The following ABCA2 variants were observed in gnomAD, a reference collection of about 807,000 sequenced individuals.
ABCA2 encodes the protein ATP binding cassette subfamily A member 2.
In ABCA2, 84 loss-of-function variants were observed where a neutral mutation model predicts 262.8. The ratio of observed to expected loss-of-function variants is 0.32; its 90% confidence interval spans 0.27 to 0.38. The LOEUF (loss-of-function observed/expected upper bound fraction) is 0.38. Ranked by LOEUF, ABCA2 falls within the 10% of genes least tolerant of loss-of-function variation. The pLI is 1.00. For missense variants in ABCA2, 2,662 were observed against 3,405.9 expected (o/e 0.78, Z 5.44); for synonymous variants, 1,696 against 1,502.9 (o/e 1.13, Z -2.97).
Position 137,021,836 on chromosome 9 carries a change from G to A in ABCA2, c.678+55C>T. On this transcript the variant is annotated intron_variant, in intron 7 of 48. Transcript: ENST00000341511. The surrounding 1 kb of genome is among the most constrained non-coding windows in gnomAD (Gnocchi z 6.0). ...CCCTTTCCTCACCCACGGAGCAGAA[G>A]CACCCCCAGAGGCAGGCAGCACTCC... 6.8e-7 allele frequency: 1 copy of A among 1,481,468 alleles called. No homozygotes were observed. 91.8% of individuals were successfully genotyped at this position (1,481,468 alleles called of 1,614,324 possible). A position where few individuals can be genotyped will look rare whatever the true frequency, so the allele number is the denominator to read the frequency against.
At chr9:137,020,538 A>G (rs1170689207) in intron 9 of ABCA2, 43 bp from the exon 10 acceptor site, 1 of 1,550,982 alleles carries the variant, frequency 6.4e-7, no homozygotes, top group Non-Finnish European at 8.7e-7. Flanking sequence ...GTTAGGGGGC[A>G]GGGCCGCGAG....
At position 137,016,907 on chromosome 9, in the gene ABCA2, G is replaced by A. The variant is rs202016332; in HGVS notation, c.2758+13C>T. 9 of 1,610,792 alleles carry A rather than the reference G, an allele frequency of 5.6e-6. No individual in the cohort carries two copies. Among genetic ancestry groups the A allele is most frequent in the African/African-American group, 5.3e-5 (4 of 74,904 alleles). On this transcript the variant is annotated intron_variant, in intron 19 of 48. Transcript: ENST00000341511. ...CCCTGCCTCTCCCCTGCCCTCCAAG[G>A]GCTGGCCAGTACCTGGGTGCACAGC...
At chr9:137,016,860 G>T in intron 19 of ABCA2, 60 bp downstream of exon 19, 2 of 1,590,892 alleles carry the variant, frequency 1.3e-6, no homozygotes, top group East Asian at 2.2e-5. Context: ...CAGACTGCTG[G>T]TCCCCAACCC....
upstream of ABCA2, chr9:137,028,355 TCCGCGCCCGCCAGGAGGCGCCCGCCGC>T (rs1831735021): frequency 1.2e-6 from 1 of 826,652 alleles, no homozygotes; most frequent in East Asian, 1.3e-4. The surrounding 1 kb of genome is among the most constrained non-coding windows in gnomAD (Gnocchi z 6.9). Flanking sequence ...CCGCGCTCCG[TCCGCGCCCGCCAGGAGGCGCCCGCCGC>T]CCGCGCCGCG....
At chr9:137,023,494 G>A (rs541651138) in intron 3 of ABCA2, 1 of 737,594 alleles carries the variant, frequency 1.4e-6, no homozygotes, top group African/African-American at 1.7e-5. Flanking sequence ...TGAAGGGAGA[G>A]TAGCCAGGCC....
chr9:137,027,449 C>G (rs1831689888), intron 1 of ABCA2: 1 of 152,828 alleles, frequency 6.5e-6, no homozygotes, highest in Non-Finnish European at 1.5e-5. Flanking sequence ...TCGGGGAGAA[C>G]TGACCCCAAA....
In ABCA2 at chr9:137,028,071, T is replaced by C; in HGVS notation, c.66+4A>G. On this transcript the variant is annotated splice_donor_region_variant and intron_variant, in intron 1 of 48. Coordinates refer to ENST00000341511, the MANE Select transcript of ABCA2 (RefSeq NM_001606.5). This position sits in a 1 kb window ranked among gnomAD's most constrained non-coding sequence, Gnocchi z 6.9. The stretch of plus-strand genomic sequence containing the variant: ...CTGAGGGCGGGCGCGTGGGGTGGGC[T>C]CACCGGGCTCCGGCGTTTGAGCGTC... 1 of 985,676 alleles carries C rather than the reference T, an allele frequency of 1.0e-6. No homozygotes were observed. Among genetic ancestry groups the C allele is most frequent in the Non-Finnish European group, 1.2e-6 (1 of 830,322 alleles). 61.1% of individuals were successfully genotyped at this position (985,676 alleles called of 1,614,324 possible). A position where few individuals can be genotyped will look rare whatever the true frequency, so the allele number is the denominator to read the frequency against.
rs1282034230 is a variant in ABCA2, at chr9:137,016,475, C to A, written c.2924-4G>T. 2 of 1,612,744 alleles carry A rather than the reference C, an allele frequency of 1.2e-6. No homozygotes were observed. The highest frequency in any genetic ancestry group is 1.7e-6 in the Non-Finnish European group (2 of 1,179,930). On this transcript the variant is annotated splice_polypyrimidine_tract_variant and splice_region_variant and intron_variant, in intron 20 of 48. Transcript: ENST00000341511. Reference sequence around the variant, plus strand: ...TCCTCCATGCCACGGGTCTCCTCTGCACCAGGGCTGTGGATCAGCAGGGTG... The same window carrying A: ...TCCTCCATGCCACGGGTCTCCTCTGAACCAGGGCTGTGGATCAGCAGGGTG...
intron 22 of ABCA2, 28 bp downstream of exon 22, chr9:137,015,934 T>TGGGGGG: frequency 2.9e-5 from 19 of 654,166 alleles, no homozygotes; most frequent in Non-Finnish European, 4.0e-5. Flanking sequence ...TCCGCCCACC[T>TGGGGGG]GCCCCGCCCC....
rs1187436407 is a variant in ABCA2 at position 137,014,742 on chromosome 9, T to C, written c.3951A>G (p.Glu1317=). Reference sequence around the variant, plus strand: ...CCTCCTCCGACACCTTGAGGAACACTTCCTCCAGGGTCGTGTCCATCAGCC... The same window carrying C: ...CCTCCTCCGACACCTTGAGGAACACCTCCTCCAGGGTCGTGTCCATCAGCC... ...SFGLMDTTLE[E]VFLKVSEEDQ... Residue 1317 remains glutamate, a synonymous_variant, in exon 26 of 49, where the codon GAA becomes GAG. Transcript: ENST00000341511. 6.2e-7 allele frequency: 1 copy of C among 1,602,964 alleles called. No homozygotes were observed. Among genetic ancestry groups the C allele is most frequent in the African/African-American group, 1.3e-5 (1 of 75,002 alleles).
chr9:137,016,674 C>T lies in ABCA2; in HGVS notation c.2823G>A (p.Gly941=). Reference sequence around the variant, plus strand: ...AGCTCCACTCCCAGGCTTCTGTCCGCCCACTGCCCAGCCAGTAGGACTTCT... The same window carrying T: ...AGCTCCACTCCCAGGCTTCTGTCCGTCCACTGCCCAGCCAGTAGGACTTCT... ...PLQKSYWLGS[G]RTEAWEWSWP... is the part of the protein sequence containing the mutation. Residue 941 remains glycine, a synonymous_variant, in exon 20 of 49, where the codon GGG becomes GGA. Coordinates refer to ENST00000341511, the MANE Select transcript of ABCA2 (RefSeq NM_001606.5). 6.3e-7 allele frequency: 1 copy of T among 1,598,612 alleles called. No individual in the cohort carries two copies. Among genetic ancestry groups the T allele is most frequent in the Middle Eastern group, 1.7e-4 (1 of 5,978 alleles).
Position 137,021,854 on chromosome 9 carries a change from A to G in ABCA2, c.678+37T>C. On this transcript the variant is annotated intron_variant, in intron 7 of 48. Coordinates refer to ENST00000341511, the MANE Select transcript of ABCA2 (RefSeq NM_001606.5). The surrounding 1 kb of genome is among the most constrained non-coding windows in gnomAD (Gnocchi z 6.0). Reference sequence around the variant, plus strand: ...AGCAGAAGCACCCCCAGAGGCAGGCAGCACTCCAGGCCCATCCCACACATG... The same window carrying G: ...AGCAGAAGCACCCCCAGAGGCAGGCGGCACTCCAGGCCCATCCCACACATG... 2.6e-6 allele frequency: 4 copies of G among 1,531,674 alleles called. No homozygotes were observed. Among genetic ancestry groups the G allele is most frequent in the Non-Finnish European group, 3.6e-6 (4 of 1,124,610 alleles). 94.9% of individuals were successfully genotyped at this position (1,531,674 alleles called of 1,614,324 possible).
At position 137,009,381 on chromosome 9, in the gene ABCA2, G is replaced by A. The variant is rs1196510814; in HGVS notation, c.6816C>T (p.His2272=). ...GRLRCLGSIQ[H]LKNRFGDGYM... ...CTGCCCCGGCTCACCGGTTCTTCAG[G>A]TGCTGGATGCTGCCCAGGCACCGCA... Residue 2272 remains histidine, a synonymous_variant, in exon 45 of 49, where the codon CAC becomes CAT. Transcript: ENST00000341511. 5 of 1,595,344 alleles carry A rather than the reference G, an allele frequency of 3.1e-6. No homozygotes were observed. The highest frequency in any genetic ancestry group is 1.4e-5 in the African/African-American group (1 of 73,996).
chr9:137,022,555 C>T, intron 5 of ABCA2, 77 bp from the exon 6 acceptor site: 1 of 1,572,628 alleles, frequency 6.4e-7, no homozygotes, highest in Non-Finnish European at 8.6e-7. Flanking sequence ...GGAGCCGAGC[C>T]CAACACCACA....
At position 137,010,742 on chromosome 9, in the gene ABCA2, G is replaced by A. The variant is rs1320584492; in HGVS notation, c.6057-5C>T. The A allele has an allele frequency of 6.2e-7, 1 of 1,612,126 alleles. No individual in the cohort carries two copies. The highest frequency in any genetic ancestry group is 8.5e-7 in the Non-Finnish European group (1 of 1,179,560). ...TTGGTAGACACAGGCATGCGCCTTG[G>A]GGGACAGGGTGGACAGTGTCCAGCA... On this transcript the variant is annotated splice_region_variant and splice_polypyrimidine_tract_variant and intron_variant, in intron 39 of 48. Transcript: ENST00000341511.
chr9:137,016,237 A>G, intron 21 of ABCA2, 54 bp downstream of exon 21: 1 of 1,611,338 alleles, frequency 6.2e-7, no homozygotes, highest in South Asian at 1.1e-5. Context: ...TGCCCTGACT[A>G]GGACTCCTGC....
chr9:137,019,270 G>C lies in ABCA2; in HGVS notation c.1462C>G (p.His488Asp). Reference sequence around the variant, plus strand: ...ATGTTGAGCCAGACCTGGGCATAGTGAGTCACGTTGCCCACAAAAGCAAAA... The same window carrying C: ...ATGTTGAGCCAGACCTGGGCATAGTCAGTCACGTTGCCCACAAAAGCAAAA... ...ETFAFVGNVT[H>D]YAQVWLNISA... Residue 488 changes from histidine to aspartate, a missense_variant, in exon 11 of 49, where the codon CAC becomes GAC. His to Asp is a moderately conservative substitution (Grantham distance 81). Coordinates refer to ENST00000341511, the MANE Select transcript of ABCA2 (RefSeq NM_001606.5). The surrounding 1 kb of genome is among the most constrained non-coding windows in gnomAD (Gnocchi z 4.4). 6.2e-7 allele frequency: 1 copy of C among 1,612,726 alleles called. No homozygotes were observed.
chr9:137,016,730 C>A lies in ABCA2; in HGVS notation c.2767G>T (p.Gly923Trp). The part of the protein sequence containing the change: ...YIEAVHPGMY[G>W]LPRPWYFPLQ... ...GGGAAGTACCAGGGCCGGGGCAGCCCGTACATGCCTGGGGGTCGGGGAGGG... is the reference window on the plus strand; with the variant it reads ...GGGAAGTACCAGGGCCGGGGCAGCCAGTACATGCCTGGGGGTCGGGGAGGG... The change falls in exon 20 of 49, where the codon GGG becomes TGG. Residue 923 changes from glycine to tryptophan, a missense_variant. By Grantham distance (184) the Gly-to-Trp change is radical. Coordinates refer to ENST00000341511, the MANE Select transcript of ABCA2 (RefSeq NM_001606.5). The A allele has an allele frequency of 6.4e-7, 1 of 1,552,816 alleles. No individual in the cohort carries two copies. Among genetic ancestry groups the A allele is most frequent in the Non-Finnish European group, 8.7e-7 (1 of 1,151,208 alleles).
rs369462465 is a variant in ABCA2, at chr9:137,019,967, G to A, written c.1425+369C>T. 10 of 261,648 alleles carry A rather than the reference G, an allele frequency of 3.8e-5. No individual in the cohort carries two copies. The East Asian group carries it at 7.5e-4, about 20-fold the overall frequency. The allele number at this position is 261,648 out of a possible 1,614,324, so 16.2% of individuals were successfully genotyped here. A position where few individuals can be genotyped will look rare whatever the true frequency, so the allele number is the denominator to read the frequency against. Reference sequence around the variant, plus strand: ...CCCTCCCAGGCCAATGTCCAGCCCTGGCCTCTGCTTGTTCCAGACAGGACC... The same window carrying A: ...CCCTCCCAGGCCAATGTCCAGCCCTAGCCTCTGCTTGTTCCAGACAGGACC... On this transcript the variant is annotated intron_variant, in intron 10 of 48. Coordinates refer to ENST00000341511, the MANE Select transcript of ABCA2 (RefSeq NM_001606.5). This position sits in a 1 kb window ranked among gnomAD's most constrained non-coding sequence, Gnocchi z 4.4.
Sources: gnomAD v4.1 joint callset for allele counts on GRCh38, gnomAD v4.1.1 for gene constraint, Gnocchi (gnomAD v3.1) non-coding constraint, MANE v1.5 for transcripts, NCBI Gene and HGNC (gene_info 2026-07-23, HGNC 2026-07-21) for gene names.